Variants in KCNIP4 observed in about 807,000 individuals in gnomAD.
KCNIP4 encodes potassium voltage-gated channel interacting protein 4, also known as Kv channel-interacting protein 4.
KCNIP4 carries 12 observed loss-of-function variants against 34.0 expected under a neutral mutation model. That is an observed-to-expected ratio of 0.35 (90% CI 0.23 to 0.57). The LOEUF is 0.57. Among genes scored for constraint, KCNIP4 ranks in the 20% least tolerant of loss-of-function variants. The pLI, the probability that KCNIP4 is intolerant of heterozygous loss-of-function variation, is 0.83. For synonymous variants in KCNIP4, 124 were observed against 102.2 expected (o/e 1.21, Z -1.29); for missense variants, 238 against 311.7 (o/e 0.76, Z 1.78).
At chr4:21,129,052 C>A (rs1360250678) in intron 1 of KCNIP4, among the ~76,000 whole-genome samples, 1 of 152,144 alleles carries the variant, frequency 6.6e-6, no homozygotes, top group African/African-American at 2.4e-5. Context: ...GTGTCAAGGG[C>A]AGGGTCAGGT....
chr4:21,109,598 G>T (rs180813109), intron 1 of KCNIP4, among the ~76,000 whole-genome samples: 2 of 152,172 alleles, frequency 1.3e-5, no homozygotes, highest in Non-Finnish European at 2.9e-5. Context: ...CGCATGGTGC[G>T]CTGCACCCAC....
chr4:21,271,241 CAA>C (rs1762129398), intron 1 of KCNIP4, among the ~76,000 whole-genome samples: 1 of 151,982 alleles, frequency 6.6e-6, no homozygotes, highest in African/African-American at 2.4e-5. Context: ...TTAACCAAAC[CAA>C]AGTTTATTGA....
intron 1 of KCNIP4, among the ~76,000 whole-genome samples, chr4:21,602,897 G>T (rs370285918): frequency 6.6e-6 from 1 of 152,094 alleles, no homozygotes; most frequent in Non-Finnish European, 1.5e-5. Flanking sequence ...TTTGAATTTT[G>T]CCATTTAAAA....
chr4:21,276,397 T>C (rs1215925201), intron 1 of KCNIP4, among the ~76,000 whole-genome samples: 1 of 149,958 alleles, frequency 6.7e-6, no homozygotes, highest in Non-Finnish European at 1.5e-5. Flanking sequence ...ATACAGTGTT[T>C]CACCATGTTG....
At chr4:21,519,678 G>C (rs537823257) in intron 1 of KCNIP4, among the ~76,000 whole-genome samples, 1 of 143,646 alleles carries the variant, frequency 7.0e-6, no homozygotes, top group South Asian at 2.3e-4. Context: ...GTGTGTGTAT[G>C]TATGTGTATA....
intron 1 of KCNIP4, among the ~76,000 whole-genome samples, chr4:21,392,269 C>T (rs1164157653): frequency 6.6e-6 from 1 of 152,034 alleles, no homozygotes; most frequent in African/African-American, 2.4e-5. Context: ...AAGCTATAAA[C>T]TAAGTGATAA....
intron 1 of KCNIP4, among the ~76,000 whole-genome samples, chr4:21,124,731 C>T (rs1310044533): frequency 6.6e-6 from 1 of 152,156 alleles, no homozygotes; most frequent in Non-Finnish European, 1.5e-5. Context: ...CTAGTCTATG[C>T]AGCCTCACCT....
rs559772216 is a variant in KCNIP4 at position 21,869,290 on chromosome 4, G to C, written c.61+79281C>G. ...AGCTCCTTGACTCAGCCCATGTGTG[G>C]AGTATGGAGAACTCCTTTTCCTTTA... On this transcript the variant is annotated intron_variant, in intron 1 of 8. Coordinates refer to ENST00000382152, the MANE Select transcript of KCNIP4 (RefSeq NM_025221.6). Among the ~76,000 whole-genome samples the C allele has an allele frequency of 3.3e-5, 5 of 152,216 alleles. No individual in the cohort carries two copies. The East Asian group carries it at 9.7e-4, about 29-fold the overall frequency.
intron 1 of KCNIP4, among the ~76,000 whole-genome samples, chr4:21,260,716 G>A (rs1560226939): frequency 6.6e-6 from 1 of 152,166 alleles, no homozygotes; most frequent in Non-Finnish European, 1.5e-5. Flanking sequence ...ATCCTTCTCA[G>A]CACAGTGCTT....
intron 1 of KCNIP4, among the ~76,000 whole-genome samples, chr4:21,869,413 T>A (rs1725628007): frequency 6.6e-6 from 1 of 152,176 alleles, no homozygotes; most frequent in Admixed American, 6.5e-5. Flanking sequence ...ATTGCATTAT[T>A]TGACACTTTT....
In KCNIP4 at chr4:21,130,634, A is replaced by G. The variant is rs192642627; in HGVS notation, c.62-247925T>C. Among the ~76,000 whole-genome samples the G allele has an allele frequency of 3.6e-3, 553 of 152,304 alleles. 6 individuals are homozygous for G. The highest frequency in any genetic ancestry group is 4.6e-3 in the Non-Finnish European group (314 of 68,018). ...CTATTTAAAAATATGTTAAAAATGA[A>G]TGAGTGGTTGAGAAAGGAATTCTTA... On this transcript the variant is annotated intron_variant, in intron 1 of 8. Transcript: ENST00000382152.
At position 21,217,999 on chromosome 4, in the gene KCNIP4, A is replaced by T. The variant is rs572774505; in HGVS notation, c.62-335290T>A. Among the ~76,000 whole-genome samples, 1,110 of 112,870 alleles carry T rather than the reference A, an allele frequency of 9.8e-3. 9 individuals are homozygous for T. Among genetic ancestry groups the T allele is most frequent in the African/African-American group, 0.02 (482 of 23,858 alleles). The allele number at this position is 112,870 out of a possible 152,430, so 74.0% of individuals were successfully genotyped here. ...ATCCCCCTGTATAGTTTTTTTTTTTAAATTTATTTATTTATTTATTATTAT... is the reference window on the plus strand; with the variant it reads ...ATCCCCCTGTATAGTTTTTTTTTTTTAATTTATTTATTTATTTATTATTAT... On this transcript the variant is annotated intron_variant, in intron 1 of 8. Transcript: ENST00000382152.
At chr4:21,515,758 G>T (rs1245939778) in intron 1 of KCNIP4, among the ~76,000 whole-genome samples, 2 of 152,126 alleles carry the variant, frequency 1.3e-5, no homozygotes, top group East Asian at 1.9e-4. Context: ...CTTAGAAAAG[G>T]AGGAGTTTGG....
chr4:20,950,774 C>T (rs1184640468), intron 1 of KCNIP4, among the ~76,000 whole-genome samples: 2 of 152,074 alleles, frequency 1.3e-5, no homozygotes. Context: ...TTTACAAAAC[C>T]AACTTGACTT....
At chr4:20,807,559 G>A (rs1020304071) in intron 3 of KCNIP4, among the ~76,000 whole-genome samples, 2 of 151,980 alleles carry the variant, frequency 1.3e-5, no homozygotes, top group African/African-American at 4.8e-5. Context: ...TTAGTATCTG[G>A]CCCTTTAAAA....
At chr4:20,893,389 G>A (rs762871563) in intron 1 of KCNIP4, among the ~76,000 whole-genome samples, 10 of 151,992 alleles carry the variant, frequency 6.6e-5, no homozygotes, top group Non-Finnish European at 8.8e-5. Flanking sequence ...TGTTTGTAAG[G>A]CTTCGGAAAA....
intron 1 of KCNIP4, among the ~76,000 whole-genome samples, chr4:21,236,896 A>C (rs1412857428): frequency 1.3e-5 from 2 of 151,592 alleles, no homozygotes; most frequent in East Asian, 3.9e-4. Context: ...AATGCCAATT[A>C]CTCGGGAGGC....
intron 1 of KCNIP4, among the ~76,000 whole-genome samples, chr4:21,331,347 CCT>C (rs918362470): frequency 2.0e-5 from 3 of 151,900 alleles, no homozygotes; most frequent in African/African-American, 7.3e-5. Flanking sequence ...CCTTGTTCTC[CCT>C]CTCTCTCAAT....
chr4:21,212,798 G>C (rs747435313), intron 1 of KCNIP4, among the ~76,000 whole-genome samples: 1 of 152,030 alleles, frequency 6.6e-6, no homozygotes, highest in Admixed American at 6.6e-5. Context: ...CCAAAGTCTC[G>C]ACTCTTAATA....
Sources: gnomAD v4.1 joint callset for allele counts (sites outside exome capture counted in the v4.1 genomes callset) on GRCh38, gnomAD v4.1.1 for gene constraint, MANE v1.5 for transcripts, NCBI Gene and HGNC (gene_info 2026-07-23, HGNC 2026-07-21) for gene names.